Variants in SYCP2L observed in about 807,000 individuals in gnomAD.
SYCP2L encodes the protein synaptonemal complex protein 2 like, also known as synaptonemal complex protein 2-like.
A neutral mutation model predicts 125.8 loss-of-function variants in SYCP2L; 98 were observed. That is an observed-to-expected ratio of 0.78 (90% CI 0.66 to 0.92). The LOEUF is 0.92. Ranked by LOEUF, SYCP2L falls within the 40% of genes least tolerant of loss-of-function variation. The pLI is 0.00. For missense variants in SYCP2L, 842 were observed against 936.4 expected (o/e 0.90, Z 1.32); for synonymous variants, 317 against 325.4 (o/e 0.97, Z 0.28).
At chr6:10,888,355 A>G (rs151222472) in intron 1 of SYCP2L, among the ~76,000 whole-genome samples, 2,107 of 152,074 alleles carry the variant, frequency 0.014, 19 homozygotes, top group Non-Finnish European at 0.023. Context: ...TCGGCCTCCC[A>G]AAGTGCTGGG....
At chr6:10,968,735 G>GACCCCACACACA (rs1434141179) in intron 29 of SYCP2L, among the ~76,000 whole-genome samples, 6 of 152,182 alleles carry the variant, frequency 3.9e-5, no homozygotes, top group Non-Finnish European at 8.8e-5. Flanking sequence ...AGGAGGAGAT[G>GACCCCACACACA]TACGCACAGC....
Position 10,956,209 on chromosome 6 carries a change from A to T in SYCP2L, c.2130A>T (p.Glu710Asp). The change falls in exon 25 of 30, where the codon GAA becomes GAT. Residue 710 changes from glutamate to aspartate, a missense_variant. Transcript: ENST00000283141. ...LNGSAILPTF[E>D]NFTKKRKRKY... ...GTTCTGCCATTCTCCCAACCTTTGA[A>T]AACTTCACTAAAAAACGGAAAAGAA... 1 of 1,613,890 alleles carries T rather than the reference A, an allele frequency of 6.2e-7. No individual in the cohort carries two copies. Among genetic ancestry groups the T allele is most frequent in the Non-Finnish European group, 8.5e-7 (1 of 1,179,984 alleles).
chr6:10,907,892 G>GTTGTTTTTTTTTTTTTTTTTTT (rs1780526518), intron 10 of SYCP2L, among the ~76,000 whole-genome samples: 1 of 91,922 alleles, frequency 1.1e-5, no homozygotes, highest in Non-Finnish European at 2.0e-5. Context: ...ATACAGATAG[G>GTTGTTTTTTTTTTTTTTTTTTT]TTTTTTTTTT....
At chr6:10,891,713 C>A in intron 2 of SYCP2L, 132 bp downstream of exon 2, 1 of 540,116 alleles carries the variant, frequency 1.9e-6, no homozygotes, top group Non-Finnish European at 3.0e-6. Context: ...TTCCCTGGGT[C>A]ATTAGCAAAC....
chr6:10,926,531 G>C, intron 16 of SYCP2L, 99 bp downstream of exon 16: 1 of 861,952 alleles, frequency 1.2e-6, no homozygotes, highest in Non-Finnish European at 1.9e-6. Context: ...TCATATGAGT[G>C]ATGCGTGTCT....
At chr6:10,973,773 C>T (rs771813682) in intron 29 of SYCP2L, among the ~76,000 whole-genome samples, 179 bp from the exon 30 acceptor site, 2 of 152,146 alleles carry the variant, frequency 1.3e-5, no homozygotes, top group African/African-American at 4.8e-5. Flanking sequence ...CAGTTTCTGC[C>T]GAGGACACTG....
intron 23 of SYCP2L, among the ~76,000 whole-genome samples, chr6:10,945,689 A>G (rs140513508): frequency 0.028 from 4,113 of 149,516 alleles, 154 homozygotes; most frequent in East Asian, 0.2. Context: ...AGAATCACTT[A>G]AACCCAGGAG....
Position 10,942,482 on chromosome 6 carries a change from A to C in SYCP2L, c.1837A>C (p.Ser613Arg), listed in dbSNP as rs1266886624. 6.3e-7 allele frequency: 1 copy of C among 1,596,550 alleles called. No homozygotes were observed. The highest frequency in any genetic ancestry group is 8.5e-7 in the Non-Finnish European group (1 of 1,174,804). ...KTELQDPHSLSELSSLKHSED... is the reference protein window; with the variant it reads ...KTELQDPHSLRELSSLKHSED... Reference sequence around the variant, plus strand: ...AGAGCTTCAAGATCCTCACTCACTGAGTGAGCTCTCTTCCTTGAAGCACTC... The same window carrying C: ...AGAGCTTCAAGATCCTCACTCACTGCGTGAGCTCTCTTCCTTGAAGCACTC... Residue 613 changes from serine to arginine, a missense_variant, in exon 22 of 30, where the codon AGT (serine) becomes CGT (arginine). By Grantham distance (110) the Ser-to-Arg change is moderately radical (BLOSUM62 -1). Transcript: ENST00000283141.
intron 1 of SYCP2L, among the ~76,000 whole-genome samples, chr6:10,890,752 A>C (rs1780158383): frequency 6.6e-6 from 1 of 152,154 alleles, no homozygotes; most frequent in Non-Finnish European, 1.5e-5. Flanking sequence ...TTCTCCATAA[A>C]ATCTTTGCCC....
intron 14 of SYCP2L, among the ~76,000 whole-genome samples, chr6:10,920,138 C>T (rs1386638349): frequency 6.6e-6 from 1 of 152,140 alleles, no homozygotes; most frequent in African/African-American, 2.4e-5. Flanking sequence ...TGTCTCAAGG[C>T]AATCTCCTGG....
chr6:10,932,064 G>A (rs1781006906), intron 20 of SYCP2L, among the ~76,000 whole-genome samples: 2 of 150,352 alleles, frequency 1.3e-5, no homozygotes, highest in South Asian at 4.2e-4. Flanking sequence ...AAAATTCTGG[G>A]CTATTCCAAT....
At chr6:10,909,263 G>T (rs1021645068) in intron 10 of SYCP2L, among the ~76,000 whole-genome samples, 12 of 151,492 alleles carry the variant, frequency 7.9e-5, no homozygotes, top group Admixed American at 4.6e-4. Flanking sequence ...CGAGTAGCTG[G>T]GATTACAGGC....
chr6:10,943,623 T>C (rs1039428213), intron 23 of SYCP2L, among the ~76,000 whole-genome samples: 1 of 152,184 alleles, frequency 6.6e-6, no homozygotes, highest in Admixed American at 6.6e-5. Context: ...AAAATTGCCA[T>C]TGGCTTAGAA....
chr6:10,888,703 C>T (rs987878505), intron 1 of SYCP2L, among the ~76,000 whole-genome samples: 1 of 152,048 alleles, frequency 6.6e-6, no homozygotes, highest in Non-Finnish European at 1.5e-5. Flanking sequence ...AGGGCCGTGT[C>T]TATAGAGAAA....
chr6:10,887,060 A>C lies in SYCP2L; in HGVS notation c.-67A>C, dbSNP rs1175703229. 6.2e-7 allele frequency: 1 copy of C among 1,608,054 alleles called. No individual in the cohort carries two copies. The highest frequency in any genetic ancestry group is 8.5e-7 in the Non-Finnish European group (1 of 1,175,602). ...GGGCGGGGCTCTTGGGCGGGGAAGC[A>C]GGAGAGGGCCGACCGAGCGCAACAA... On this transcript the variant is annotated 5_prime_UTR_variant, in exon 1 of 30. Coordinates refer to ENST00000283141, the MANE Select transcript of SYCP2L (RefSeq NM_001040274.3).
At position 10,893,993 on chromosome 6, in the gene SYCP2L, T is replaced by A; in HGVS notation, c.205T>A (p.Ser69Thr). Reference protein sequence around the residue: ...NRLLLYRLDRSINKELDKNEF... With the variant: ...NRLLLYRLDRTINKELDKNEF... ...TCTTCTATTATACCGTCTTGACAGA[T>A]CAATAAATAAGGCAAGTTGGTTTGC... The change falls in exon 3 of 30, where the codon TCA (serine) becomes ACA (threonine). Residue 69 changes from serine to threonine, a missense_variant. Physicochemically the swap from Ser to Thr is moderately conservative, Grantham distance 58 (BLOSUM62 1). Transcript: ENST00000283141. 1 of 1,604,964 alleles carries A rather than the reference T, an allele frequency of 6.2e-7. No individual in the cohort carries two copies. The highest frequency in any genetic ancestry group is 1.7e-5 in the Admixed American group (1 of 57,392).
chr6:10,900,797 C>T (rs562395582), intron 6 of SYCP2L, among the ~76,000 whole-genome samples: 361 of 152,334 alleles, frequency 2.4e-3, no homozygotes, highest in Admixed American at 5.3e-3. Flanking sequence ...GGGGGGGACA[C>T]AGTCCCATCT....
intron 8 of SYCP2L, among the ~76,000 whole-genome samples, chr6:10,903,326 A>T (rs1780418168): frequency 6.6e-6 from 1 of 152,164 alleles, no homozygotes; most frequent in African/African-American, 2.4e-5. Flanking sequence ...AGGCGGGTGG[A>T]TCACGAGGTC....
chr6:10,911,893 G>GCTTTCTTTTTTTTTTTTTTTT (rs1329978597), intron 12 of SYCP2L, among the ~76,000 whole-genome samples: 1 of 91,124 alleles, frequency 1.1e-5, no homozygotes, highest in African/African-American at 4.3e-5. Flanking sequence ...GGGAATAAAA[G>GCTTTCTTTTTTTTTTTTTTTT]CTTTTTTTTT....
Sources: gnomAD v4.1 joint callset for allele counts (sites outside exome capture counted in the v4.1 genomes callset) on GRCh38, gnomAD v4.1.1 for gene constraint, MANE v1.5 for transcripts, NCBI Gene and HGNC (gene_info 2026-07-23, HGNC 2026-07-21) for gene names.